AKAP19: variants seen among roughly 807,000 people sequenced by gnomAD.
AKAP19 encodes the protein small A-kinase anchoring protein.
the AKAP19 span, among the ~76,000 whole-genome samples, chr2:190,172,429 A>G: frequency 6.6e-6 from 1 of 152,230 alleles, no homozygotes; most frequent in Non-Finnish European, 1.5e-5. Flanking sequence ...CCAGAAACAC[A>G]GAAAACCTAG....
chr2:190,105,745 G>C, the AKAP19 span, among the ~76,000 whole-genome samples: 42 of 152,264 alleles, frequency 2.8e-4, 2 homozygotes, highest in Admixed American at 2.7e-3. Context: ...TCCTGGTAAT[G>C]CTCCCATGTG....
chr2:190,110,599 A>G, the AKAP19 span, among the ~76,000 whole-genome samples: 3 of 152,238 alleles, frequency 2.0e-5, no homozygotes, highest in Non-Finnish European at 2.9e-5. Context: ...ATTCAGTTGT[A>G]GATAACAGAA....
At chr2:190,166,317 CTTTTTTTTTTT>C in the AKAP19 span, among the ~76,000 whole-genome samples, 4 of 65,298 alleles carry the variant, frequency 6.1e-5, no homozygotes, top group South Asian at 1.4e-3. Context: ...AAAATCCACT[CTTTTTTTTTTT>C]TTTTTTTTTT....
At chr2:190,106,176 A>G in the AKAP19 span, among the ~76,000 whole-genome samples, 1 of 152,226 alleles carries the variant, frequency 6.6e-6, no homozygotes, top group South Asian at 2.1e-4. Flanking sequence ...ATACATCAAC[A>G]TAGGATTTAA....
the AKAP19 span, among the ~76,000 whole-genome samples, chr2:189,890,018 G>A: frequency 6.6e-6 from 1 of 152,120 alleles, no homozygotes; most frequent in African/African-American, 2.4e-5. Flanking sequence ...TGTGATGTTA[G>A]GGTGTCAATT....
At chr2:190,003,194 G>GT in the AKAP19 span, among the ~76,000 whole-genome samples, 19 of 152,124 alleles carry the variant, frequency 1.2e-4, no homozygotes, top group African/African-American at 4.6e-4. Flanking sequence ...TTTAAAAATT[G>GT]TAAGTTCATT....
At chr2:190,058,765 TCTTA>T in the AKAP19 span, among the ~76,000 whole-genome samples, 1 of 152,024 alleles carries the variant, frequency 6.6e-6, no homozygotes, top group Non-Finnish European at 1.5e-5. Context: ...TACCATACGT[TCTTA>T]CTTACAAGTG....
chr2:190,154,965 C>T, the AKAP19 span, among the ~76,000 whole-genome samples: 3 of 152,276 alleles, frequency 2.0e-5, no homozygotes, highest in East Asian at 5.8e-4. Context: ...ACTCCCACCG[C>T]TTTTCTAAGG....
the AKAP19 span, chr2:190,202,244 C>T: frequency 0.29 from 48,574 of 166,872 alleles, 8,307 homozygotes; most frequent in East Asian, 0.48. Flanking sequence ...CCAAGCACCA[C>T]TCCCTTGTCC....
the AKAP19 span, among the ~76,000 whole-genome samples, chr2:190,066,071 C>T: frequency 0.024 from 3,701 of 152,160 alleles, 159 homozygotes; most frequent in East Asian, 0.18. Flanking sequence ...CGTCTATCAG[C>T]TTGTTGGTTT....
chr2:190,076,888 G>C, the AKAP19 span, among the ~76,000 whole-genome samples: 2 of 152,154 alleles, frequency 1.3e-5, no homozygotes, highest in African/African-American at 4.8e-5. Context: ...TTCTGGGACT[G>C]TAATGACACA....
At chr2:189,987,637 C>T in the AKAP19 span, among the ~76,000 whole-genome samples, 1 of 152,156 alleles carries the variant, frequency 6.6e-6, no homozygotes, top group Non-Finnish European at 1.5e-5. Context: ...GGATGAAGCT[C>T]TAGAAGGCAA....
At chr2:189,944,532 A>G in the AKAP19 span, among the ~76,000 whole-genome samples, 1 of 152,196 alleles carries the variant, frequency 6.6e-6, no homozygotes, top group African/African-American at 2.4e-5. Flanking sequence ...GCCTAATACA[A>G]GATCAATTTA....
chr2:190,150,852 G>A, the AKAP19 span, among the ~76,000 whole-genome samples: 1 of 149,948 alleles, frequency 6.7e-6, no homozygotes, highest in Non-Finnish European at 1.5e-5. Flanking sequence ...CTCCAATAAT[G>A]TACTATAGGA....
chr2:189,993,919 G>T, the AKAP19 span, among the ~76,000 whole-genome samples: 3 of 151,390 alleles, frequency 2.0e-5, no homozygotes, highest in Non-Finnish European at 2.9e-5. Context: ...TCTTGTTAAT[G>T]GTCTATCAAT....
the AKAP19 span, among the ~76,000 whole-genome samples, chr2:190,094,857 T>C: frequency 6.6e-6 from 1 of 152,334 alleles, no homozygotes; most frequent in Middle Eastern, 3.4e-3. Context: ...AATGATTACT[T>C]TATCTGGATA....
chr2:190,169,192 C>T, the AKAP19 span, among the ~76,000 whole-genome samples: 1 of 152,146 alleles, frequency 6.6e-6, no homozygotes, highest in African/African-American at 2.4e-5. Context: ...TCCAGGGAAA[C>T]TTTCAAGACT....
At chr2:190,117,314 A>G in the AKAP19 span, among the ~76,000 whole-genome samples, 1 of 152,242 alleles carries the variant, frequency 6.6e-6, no homozygotes, top group Non-Finnish European at 1.5e-5. Context: ...CTACAATGGG[A>G]ATGAAAATAG....
chr2:190,183,058 G>GT, the AKAP19 span, among the ~76,000 whole-genome samples: 1 of 152,204 alleles, frequency 6.6e-6, no homozygotes, highest in Non-Finnish European at 1.5e-5. Context: ...GATAGGACAA[G>GT]TCCTTTTACT....
Sources: allele counts gnomAD v4.1 joint callset (sites outside exome capture counted in the v4.1 genomes callset), GRCh38; gene constraint gnomAD v4.1.1; transcripts MANE v1.5; gene names NCBI Gene and HGNC (gene_info 2026-07-23, HGNC 2026-07-21).